The following EPHA5 variants were observed in gnomAD, a reference collection of about 807,000 sequenced individuals.
EPHA5 encodes the protein ephrin type-A receptor 5.
In EPHA5, 60 loss-of-function variants were observed where a neutral mutation model predicts 105.0. That is an observed-to-expected ratio of 0.57 (90% confidence interval 0.46 to 0.71). EPHA5 has a LOEUF of 0.71. Among genes scored for constraint, EPHA5 ranks in the 30% least tolerant of loss-of-function variants. The pLI is 0.00. For missense variants in EPHA5, 1,218 were observed against 1,274.7 expected, an observed-to-expected ratio of 0.96 and a Z score of 0.68; for synonymous variants, 513 against 449.1, an observed-to-expected ratio of 1.14 and a Z score of -1.80.
chr4:65,375,118 CTT>C (rs1718866464), intron 8 of EPHA5, among the ~76,000 whole-genome samples: 1 of 151,694 alleles, frequency 6.6e-6, no homozygotes, highest in Admixed American at 6.6e-5. Context: ...TTTTGGAGAA[CTT>C]TTTTATTGTT....
intron 3 of EPHA5, among the ~76,000 whole-genome samples, chr4:65,503,195 C>A (rs1732665069): frequency 6.6e-6 from 1 of 151,736 alleles, no homozygotes; most frequent in Non-Finnish European, 1.5e-5. Context: ...GTGATGGGAT[C>A]ATGGTATCCC....
intron 5 of EPHA5, among the ~76,000 whole-genome samples, chr4:65,429,934 A>G (rs1249487436): frequency 6.6e-6 from 1 of 152,074 alleles, no homozygotes; most frequent in East Asian, 1.9e-4. Context: ...ATCTTTAAAT[A>G]GCATCATTTC....
chr4:65,412,875 G>A (rs1350862547), intron 7 of EPHA5, among the ~76,000 whole-genome samples: 2 of 152,130 alleles, frequency 1.3e-5, no homozygotes, highest in African/African-American at 4.8e-5. Flanking sequence ...TCCTAAAACT[G>A]AGTAGAATTT....
intron 8 of EPHA5, among the ~76,000 whole-genome samples, chr4:65,389,212 T>C (rs1720457501): frequency 6.6e-6 from 1 of 152,090 alleles, no homozygotes; most frequent in African/African-American, 2.4e-5. Flanking sequence ...ATTGCTTAAA[T>C]AGTTATACTG....
chr4:65,534,199 G>GT (rs1233699482), intron 3 of EPHA5, among the ~76,000 whole-genome samples: 1 of 151,916 alleles, frequency 6.6e-6, no homozygotes, highest in Admixed American at 6.6e-5. Flanking sequence ...AAGTAATTGT[G>GT]TTTTTTGGGT....
intron 8 of EPHA5, among the ~76,000 whole-genome samples, chr4:65,389,149 T>C (rs1720447076): frequency 6.6e-6 from 1 of 152,002 alleles, no homozygotes; most frequent in South Asian, 2.1e-4. Context: ...CCTTATATTT[T>C]TCCTTGCAGC....
chr4:65,372,279 G>T (rs1445394080), intron 8 of EPHA5, among the ~76,000 whole-genome samples: 1 of 151,802 alleles, frequency 6.6e-6, no homozygotes, highest in Admixed American at 6.6e-5. Flanking sequence ...ATTAACAAAA[G>T]CTCAGCTAAC....
rs1190684286 is a variant in EPHA5, at chr4:65,574,240, A to C, written c.910+27401T>G. On this transcript the variant is annotated intron_variant, in intron 3 of 16. Transcript: ENST00000613740. ...GCTGTGGACTCACAAATTTTATCAAAAATCAAAGCTATTCCTCAGCTCCAG... is the reference window on the plus strand; with the variant it reads ...GCTGTGGACTCACAAATTTTATCAACAATCAAAGCTATTCCTCAGCTCCAG... The C allele has an allele frequency of 1.9e-6, 3 of 1,600,356 alleles. No individual in the cohort carries two copies. The African/African-American group carries it at 4.0e-5, about 21-fold the overall frequency.
chr4:65,450,326 C>T (rs1043832267), intron 5 of EPHA5, among the ~76,000 whole-genome samples: 2 of 152,088 alleles, frequency 1.3e-5, no homozygotes, highest in African/African-American at 4.8e-5. Context: ...CAGCCTACTG[C>T]TAAGTACATT....
intron 8 of EPHA5, among the ~76,000 whole-genome samples, chr4:65,390,476 C>G (rs982338985): frequency 6.6e-6 from 1 of 151,992 alleles, no homozygotes; most frequent in African/African-American, 2.4e-5. Flanking sequence ...CATGCCATAC[C>G]TTCCGTTTCT....
At chr4:65,473,705 G>T (rs1441470198) in intron 5 of EPHA5, among the ~76,000 whole-genome samples, 2 of 149,880 alleles carry the variant, frequency 1.3e-5, no homozygotes, top group East Asian at 4.1e-4. Context: ...ATTTATGTGG[G>T]GACACAGATC....
chr4:65,476,421 T>A (rs10011442), intron 5 of EPHA5, among the ~76,000 whole-genome samples: 23,368 of 151,980 alleles, frequency 0.15, 2,076 homozygotes, highest in East Asian at 0.23. Flanking sequence ...AACAAAATCA[T>A]GTCTTTTGCA....
chr4:65,588,051 T>C (rs554032511), intron 3 of EPHA5, among the ~76,000 whole-genome samples: 5 of 152,304 alleles, frequency 3.3e-5, no homozygotes, highest in African/African-American at 7.2e-5. Context: ...TGGGTTCAAA[T>C]GTCAATTTAC....
chr4:65,490,682 G>C lies in EPHA5; in HGVS notation c.1097C>G (p.Ser366Ter). 6.2e-7 allele frequency: 1 copy of C among 1,613,960 alleles called. No individual in the cohort carries two copies. Among genetic ancestry groups the C allele is most frequent in the Non-Finnish European group, 8.5e-7 (1 of 1,179,874 alleles). ...RPPSAPRNAI[S>*]NVNETSVFLE... Reference sequence around the variant, plus strand: ...AAAGACACTAGTTTCATTAACATTTGAGATGGCATTCCGAGGAGCAGAGGG... The same window carrying C: ...AAAGACACTAGTTTCATTAACATTTCAGATGGCATTCCGAGGAGCAGAGGG... Residue 366 changes from serine (S) to a stop codon, truncating the protein, a stop_gained, in exon 5 of 17, where the codon TCA becomes TGA. Transcript: ENST00000613740. LOFTEE classifies it high-confidence loss of function.
chr4:65,566,922 A>G (rs1392476984), intron 3 of EPHA5, among the ~76,000 whole-genome samples: 3 of 151,614 alleles, frequency 2.0e-5, no homozygotes, highest in African/African-American at 7.2e-5. Flanking sequence ...TTTTGAGGGT[A>G]AATAGTGGGA....
chr4:65,446,226 T>C (rs561122661), intron 5 of EPHA5, among the ~76,000 whole-genome samples: 1 of 152,360 alleles, frequency 6.6e-6, no homozygotes, highest in African/African-American at 2.4e-5. Flanking sequence ...TAAAACTTGG[T>C]ATTATCTTTG....
chr4:65,666,232 A>G (rs934193511), intron 1 of EPHA5, among the ~76,000 whole-genome samples: 1 of 152,202 alleles, frequency 6.6e-6, no homozygotes, highest in Non-Finnish European at 1.5e-5. Context: ...ATTCAGAGAC[A>G]AGAAACTGGA....
At chr4:65,525,867 T>C (rs1244427401) in intron 3 of EPHA5, among the ~76,000 whole-genome samples, 2 of 151,892 alleles carry the variant, frequency 1.3e-5, no homozygotes, top group East Asian at 1.9e-4. Context: ...TCTCAAACAA[T>C]GAACAAAGAC....
chr4:65,574,615 T>TATATATATACAC (rs1740623338), intron 3 of EPHA5, among the ~76,000 whole-genome samples: 1 of 125,986 alleles, frequency 7.9e-6, no homozygotes, highest in Non-Finnish European at 1.7e-5. Context: ...TATATATACA[T>TATATATATACAC]ATATATATAT....
Sources: gnomAD v4.1 joint callset for allele counts (sites outside exome capture counted in the v4.1 genomes callset) on GRCh38, gnomAD v4.1.1 for gene constraint, MANE v1.5 for transcripts, NCBI Gene and HGNC (gene_info 2026-07-23, HGNC 2026-07-21) for gene names.